The following TMEM132D variants were observed in gnomAD, a reference collection of about 807,000 sequenced individuals.
TMEM132D encodes the protein transmembrane protein 132D, also known as mature OL transmembrane protein.
Under a neutral mutation model 62.3 loss-of-function variants are expected in TMEM132D, and 21 were observed. The ratio of observed to expected loss-of-function variants is 0.34; its 90% CI spans 0.24 to 0.49. The LOEUF (loss-of-function observed/expected upper bound fraction) is 0.49, where lower values mean the gene tolerates loss of function less well. TMEM132D is among the 20% of genes least tolerant of loss of function. The pLI, the probability that TMEM132D is intolerant of heterozygous loss-of-function variation, is 0.99. For missense variants in TMEM132D, 1,346 were observed against 1,402.8 expected, an observed-to-expected ratio of 0.96 and a Z score of 0.65; for synonymous variants, 621 against 575.6, an observed-to-expected ratio of 1.08 and a Z score of -1.13.
At chr12:129,240,731 T>C (rs1879914891) in intron 4 of TMEM132D, among the ~76,000 whole-genome samples, 1 of 152,206 alleles carries the variant, frequency 6.6e-6, no homozygotes, top group South Asian at 2.1e-4. Flanking sequence ...TTGCACTTAA[T>C]GTCTAATTCC....
intron 4 of TMEM132D, among the ~76,000 whole-genome samples, chr12:129,213,333 C>G (rs1879107783): frequency 6.6e-6 from 1 of 151,930 alleles, no homozygotes; most frequent in Non-Finnish European, 1.5e-5. Flanking sequence ...TCTCTACAAA[C>G]AAATAGAAAA....
intron 5 of TMEM132D, among the ~76,000 whole-genome samples, chr12:129,153,353 A>G (rs1877134631): frequency 6.6e-6 from 1 of 152,110 alleles, no homozygotes; most frequent in Non-Finnish European, 1.5e-5. Flanking sequence ...CTCACGGCAT[A>G]CAAAGGTTGA....
At chr12:129,824,316 G>A (rs1332512879) in intron 1 of TMEM132D, among the ~76,000 whole-genome samples, 2 of 152,070 alleles carry the variant, frequency 1.3e-5, no homozygotes, top group African/African-American at 4.8e-5. Context: ...AATTTTTCAG[G>A]TACTTTTTGA....
At chr12:129,700,730 G>C (rs2137228192) in intron 1 of TMEM132D, 32 bp from the exon 2 acceptor site, 1 of 1,564,536 alleles carries the variant, frequency 6.4e-7, no homozygotes, top group Non-Finnish European at 8.6e-7. Flanking sequence ...GCAGGCGTTA[G>C]TAATGCTAAG....
chr12:129,328,037 C>T (rs1466486700), intron 4 of TMEM132D, among the ~76,000 whole-genome samples: 1 of 152,182 alleles, frequency 6.6e-6, no homozygotes, highest in African/African-American at 2.4e-5. Context: ...TCGGCACCCA[C>T]TTTTCCTTCT....
At chr12:129,495,748 G>A (rs1874934764) in intron 3 of TMEM132D, among the ~76,000 whole-genome samples, 1 of 152,156 alleles carries the variant, frequency 6.6e-6, no homozygotes, top group African/African-American at 2.4e-5. Flanking sequence ...TGGGGACAGG[G>A]GTAGTGATGG....
chr12:129,318,194 T>C (rs927382162), intron 4 of TMEM132D, among the ~76,000 whole-genome samples: 1 of 152,192 alleles, frequency 6.6e-6, no homozygotes, highest in Non-Finnish European at 1.5e-5. Flanking sequence ...ACTAGCATGA[T>C]TTTCGAAGGG....
At chr12:129,472,564 T>G (rs542619410) in intron 3 of TMEM132D, among the ~76,000 whole-genome samples, 2 of 152,144 alleles carry the variant, frequency 1.3e-5, no homozygotes, top group African/African-American at 2.4e-5. Context: ...CAAACCTGCA[T>G]GTTCAGCACG....
At chr12:129,569,693 G>A (rs745487701) in intron 2 of TMEM132D, among the ~76,000 whole-genome samples, 3 of 152,140 alleles carry the variant, frequency 2.0e-5, no homozygotes, top group Non-Finnish European at 2.9e-5. Context: ...CACCCTCAAC[G>A]CTGACCCTGC....
chr12:129,094,474 A>T (rs1175330014), intron 5 of TMEM132D, among the ~76,000 whole-genome samples: 2 of 152,246 alleles, frequency 1.3e-5, no homozygotes, highest in Non-Finnish European at 2.9e-5. Context: ...AATCAAAACC[A>T]CAATGCGATA....
At chr12:129,716,916 T>A (rs953653423) in intron 1 of TMEM132D, among the ~76,000 whole-genome samples, 3 of 152,204 alleles carry the variant, frequency 2.0e-5, no homozygotes, top group African/African-American at 7.2e-5. Flanking sequence ...GTCATAGGAA[T>A]TTGTGGGGAA....
chr12:129,625,998 G>A (rs11060469), intron 2 of TMEM132D, among the ~76,000 whole-genome samples: 4 of 152,012 alleles, frequency 2.6e-5, no homozygotes, highest in Admixed American at 6.5e-5. Flanking sequence ...GGTGGCATAC[G>A]GCTATTAGAA....
chr12:129,426,811 C>G (rs1872514704), intron 3 of TMEM132D, among the ~76,000 whole-genome samples: 1 of 152,180 alleles, frequency 6.6e-6, no homozygotes, highest in Admixed American at 6.5e-5. Flanking sequence ...GTAATTCCCC[C>G]AAAGTCACAC....
At chr12:129,574,863 A>G (rs1243194434) in intron 2 of TMEM132D, among the ~76,000 whole-genome samples, 1 of 151,844 alleles carries the variant, frequency 6.6e-6, no homozygotes. Context: ...CCTCCAACTA[A>G]GGAAGCAGCC....
At chr12:129,850,887 C>A (rs1367883266) in intron 1 of TMEM132D, among the ~76,000 whole-genome samples, 1 of 152,154 alleles carries the variant, frequency 6.6e-6, no homozygotes, top group Non-Finnish European at 1.5e-5. Flanking sequence ...AAATTAGATT[C>A]TTTTGAAAGA....
intron 4 of TMEM132D, among the ~76,000 whole-genome samples, chr12:129,331,647 A>C (rs1206831610): frequency 1.3e-5 from 2 of 152,214 alleles, no homozygotes; most frequent in Non-Finnish European, 2.9e-5. Flanking sequence ...GCCACTACCC[A>C]AGAGGAAGAA....
chr12:129,086,440 A>C (rs1874625107), intron 5 of TMEM132D, among the ~76,000 whole-genome samples: 1 of 151,684 alleles, frequency 6.6e-6, no homozygotes, highest in African/African-American at 2.4e-5. Flanking sequence ...ATTATTCCAC[A>C]CTCTTTGTCC....
Position 129,489,304 on chromosome 12 carries a change from T to C in TMEM132D, c.1115+41755A>G, listed in dbSNP as rs563494889. Among the ~76,000 whole-genome samples, 221 of 152,326 alleles carry C rather than the reference T, an allele frequency of 1.5e-3. 3 individuals carry two copies. Among genetic ancestry groups the C allele is most frequent in the South Asian group, 4.3e-3 (21 of 4,828 alleles). On this transcript the variant is annotated intron_variant, in intron 3 of 8. Transcript: ENST00000422113. ...CAGAGCCAATTTAGAACTGTGGAAA[T>C]AGCAGACATTGGCATTTCTGGTCTC... is the stretch of plus-strand genomic sequence containing the variant.
At chr12:129,444,991 G>T (rs1873055000) in intron 3 of TMEM132D, among the ~76,000 whole-genome samples, 1 of 152,148 alleles carries the variant, frequency 6.6e-6, no homozygotes, top group Non-Finnish European at 1.5e-5. Context: ...TATATACACA[G>T]ATAAATGTAA....
Sources: gnomAD v4.1 joint callset for allele counts (sites outside exome capture counted in the v4.1 genomes callset) on GRCh38, gnomAD v4.1.1 for gene constraint, MANE v1.5 for transcripts, NCBI Gene and HGNC (gene_info 2026-07-23, HGNC 2026-07-21) for gene names.